The following GRIK4 variants were observed in gnomAD, a reference collection of about 807,000 sequenced individuals.
GRIK4 encodes glutamate receptor ionotropic, kainate 4.
GRIK4 carries 40 observed loss-of-function variants against 104.9 expected under a neutral mutation model. That is an observed-to-expected ratio of 0.38 (90% CI 0.30 to 0.50). The LOEUF (loss-of-function observed/expected upper bound fraction) is 0.50, where lower values mean the gene tolerates loss of function less well. GRIK4 is among the 20% of genes least tolerant of loss of function. The probability of loss-of-function intolerance (pLI) is 0.93; values close to 1 mark genes in which losing one functional copy is unlikely to be tolerated. For synonymous variants in GRIK4, 485 were observed against 524.9 expected, an observed-to-expected ratio of 0.92 and a Z score of 1.04; for missense variants, 1,047 against 1,308.1, an observed-to-expected ratio of 0.80 and a Z score of 3.08.
intron 13 of GRIK4, among the ~76,000 whole-genome samples, chr11:120,929,201 G>A (rs562496482): frequency 1.4e-4 from 21 of 152,196 alleles, no homozygotes; most frequent in Non-Finnish European, 2.8e-4. Flanking sequence ...CAGGTGCCAT[G>A]TGACCCCTAA....
intron 3 of GRIK4, among the ~76,000 whole-genome samples, chr11:120,799,464 C>T (rs753293195): frequency 2.0e-5 from 3 of 152,164 alleles, no homozygotes; most frequent in Admixed American, 6.5e-5. Context: ...CGCTCCCTAG[C>T]GCACCCCCTG....
intron 1 of GRIK4, among the ~76,000 whole-genome samples, chr11:120,636,834 C>T (rs909075808): frequency 2.1e-4 from 29 of 139,270 alleles, no homozygotes; most frequent in South Asian, 4.5e-4. Context: ...AGTGAGACTC[C>T]GTCTCAAAAA....
At chr11:120,641,571 C>T (rs981233070) in intron 1 of GRIK4, among the ~76,000 whole-genome samples, 1 of 152,132 alleles carries the variant, frequency 6.6e-6, no homozygotes, top group African/African-American at 2.4e-5. Flanking sequence ...AGGGTAACTT[C>T]CTGATGTTGC....
At chr11:120,581,558 A>G (rs1948580794) in intron 1 of GRIK4, among the ~76,000 whole-genome samples, 1 of 151,864 alleles carries the variant, frequency 6.6e-6, no homozygotes, top group Non-Finnish European at 1.5e-5. Context: ...TTAAATAACA[A>G]CTCCTCATTC....
intron 8 of GRIK4, among the ~76,000 whole-genome samples, chr11:120,837,105 T>C (rs572989730): frequency 1.3e-5 from 2 of 152,340 alleles, no homozygotes; most frequent in African/African-American, 2.4e-5. Flanking sequence ...TGTAGTGTGA[T>C]GGACGAGCCT....
intron 13 of GRIK4, among the ~76,000 whole-genome samples, chr11:120,923,837 G>C (rs1359684353): frequency 6.6e-6 from 1 of 152,214 alleles, no homozygotes; most frequent in African/African-American, 2.4e-5. Context: ...CAGCTAGCCA[G>C]AGGCAGACTT....
rs142068212 is a variant in GRIK4 at position 120,747,749 on chromosome 11, C to T, written c.83-54944C>T. ...TTGGTATTGTGGTTAATATTGTGAA[C>T]ATTATTGTCAAATAATTTTAATCAG... is the stretch of plus-strand genomic sequence containing the variant. On this transcript the variant is annotated intron_variant, in intron 3 of 20. Coordinates refer to ENST00000527524, the MANE Select transcript of GRIK4 (RefSeq NM_014619.5). Among the ~76,000 whole-genome samples, 224 of 152,306 alleles carry T rather than the reference C, an allele frequency of 1.5e-3. 2 individuals carry two copies. The highest frequency in any genetic ancestry group is 5.1e-3 in the African/African-American group (211 of 41,558).
chr11:120,829,399 G>T (rs1953362761), intron 6 of GRIK4, among the ~76,000 whole-genome samples: 1 of 152,112 alleles, frequency 6.6e-6, no homozygotes, highest in African/African-American at 2.4e-5. Flanking sequence ...TTAAATTCAG[G>T]CTGCCAAACA....
At chr11:120,767,605 C>A (rs1728782701) in intron 3 of GRIK4, among the ~76,000 whole-genome samples, 1 of 151,826 alleles carries the variant, frequency 6.6e-6, no homozygotes, top group African/African-American at 2.4e-5. Flanking sequence ...GGTGTGCTAT[C>A]CAAAAAAATC....
At chr11:120,935,226 A>T (rs1943571200) in intron 13 of GRIK4, among the ~76,000 whole-genome samples, 1 of 152,148 alleles carries the variant, frequency 6.6e-6, no homozygotes, top group Non-Finnish European at 1.5e-5. Context: ...ACGGTGGAAT[A>T]ATTTGCCTAA....
intron 1 of GRIK4, among the ~76,000 whole-genome samples, chr11:120,613,635 G>C (rs1345741760): frequency 6.6e-6 from 1 of 152,242 alleles, no homozygotes; most frequent in Non-Finnish European, 1.5e-5. Context: ...TCATGCCTCA[G>C]ATGGAGCTTG....
chr11:120,829,111 T>G (rs1423152503), intron 6 of GRIK4, among the ~76,000 whole-genome samples: 1 of 152,180 alleles, frequency 6.6e-6, no homozygotes, highest in Admixed American at 6.5e-5. Context: ...TGCTCCATTC[T>G]AGGACGTGGG....
intron 13 of GRIK4, among the ~76,000 whole-genome samples, chr11:120,919,380 T>C (rs1371608792): frequency 6.6e-6 from 1 of 152,188 alleles, no homozygotes; most frequent in Admixed American, 6.5e-5. Flanking sequence ...CTGGAGTTTT[T>C]AAAGAAGATG....
At chr11:120,597,655 C>G (rs1278009760) in intron 1 of GRIK4, among the ~76,000 whole-genome samples, 1 of 152,178 alleles carries the variant, frequency 6.6e-6, no homozygotes, top group Non-Finnish European at 1.5e-5. Context: ...CCGTGGGGGT[C>G]CTGAGGTGGT....
chr11:120,642,641 C>T (rs970479155), intron 1 of GRIK4, among the ~76,000 whole-genome samples: 4 of 152,200 alleles, frequency 2.6e-5, no homozygotes, highest in African/African-American at 4.8e-5. Flanking sequence ...TCTCCCTCTC[C>T]TTGGCACTCC....
intron 4 of GRIK4, among the ~76,000 whole-genome samples, chr11:120,806,905 A>G (rs1952722876): frequency 6.6e-6 from 1 of 152,200 alleles, no homozygotes; most frequent in South Asian, 2.1e-4. Flanking sequence ...CTGGAAAGAT[A>G]TGAGGAGAAA....
At chr11:120,691,349 C>A (rs899461285) in intron 3 of GRIK4, among the ~76,000 whole-genome samples, 6 of 152,142 alleles carry the variant, frequency 3.9e-5, no homozygotes, top group Non-Finnish European at 8.8e-5. Context: ...CAATAGACAC[C>A]AGGCCCCTGC....
At position 120,967,347 on chromosome 11, in the gene GRIK4, C is replaced by G. The variant is rs759431705; in HGVS notation, c.2395+24C>G. On this transcript the variant is annotated intron_variant, in intron 19 of 20. Coordinates refer to ENST00000527524, the MANE Select transcript of GRIK4 (RefSeq NM_014619.5). The surrounding 1 kb of genome is among the most constrained non-coding windows in gnomAD (Gnocchi z 4.2). ...AGGTAAGGACGTTCAGGGCCATCCT[C>G]CTCCTGCCCTAGAGGACCAAAGTAG... is the stretch of plus-strand genomic sequence containing the variant. 5 of 1,598,884 alleles carry G rather than the reference C, an allele frequency of 3.1e-6. No individual in the cohort carries two copies. The African/African-American group carries it at 5.4e-5, about 17-fold the overall frequency.
intron 3 of GRIK4, among the ~76,000 whole-genome samples, chr11:120,722,221 T>G (rs1950945137): frequency 6.6e-6 from 1 of 152,186 alleles, no homozygotes; most frequent in Non-Finnish European, 1.5e-5. Flanking sequence ...AAATTTCTTG[T>G]GTTTATATAT....
Sources: allele counts gnomAD v4.1 joint callset (sites outside exome capture counted in the v4.1 genomes callset), GRCh38; gene constraint gnomAD v4.1.1; non-coding constraint Gnocchi (gnomAD v3.1); transcripts MANE v1.5; gene names NCBI Gene and HGNC (gene_info 2026-07-23, HGNC 2026-07-21).